The following DAB1 variants were observed in gnomAD, a reference collection of about 807,000 sequenced individuals.
DAB1 encodes DAB adaptor protein 1.
Under a neutral mutation model 64.6 loss-of-function variants are expected in DAB1, and 15 were observed. The ratio of observed to expected loss-of-function variants is 0.23; its 90% CI spans 0.16 to 0.36. The LOEUF (loss-of-function observed/expected upper bound fraction) is 0.36. Ranked by LOEUF, DAB1 falls within the 10% of genes least tolerant of loss-of-function variation. The pLI is 1.00. For missense variants in DAB1, 596 were observed against 706.7 expected (o/e 0.84, Z 1.78); for synonymous variants, 235 against 251.9 (o/e 0.93, Z 0.64).
chr1:57,019,173 C>T lies in DAB1; in HGVS notation c.896-3742G>A, dbSNP rs556905665. Among the ~76,000 whole-genome samples the T allele has an allele frequency of 4.6e-5, 7 of 152,322 alleles. No homozygotes were observed. The East Asian group carries it at 1.4e-3, about 29-fold the overall frequency. On this transcript the variant is annotated intron_variant, in intron 11 of 14. Coordinates refer to ENST00000371236, the MANE Select transcript of DAB1 (RefSeq NM_001365792.1). Reference sequence around the variant, plus strand: ...TGCTGGCAGGAACTCTTTATTCTCTCTCTCTTTCCACCCTGCCTAGCATGG... The same window carrying T: ...TGCTGGCAGGAACTCTTTATTCTCTTTCTCTTTCCACCCTGCCTAGCATGG...
intron 2 of DAB1, among the ~76,000 whole-genome samples, chr1:57,170,891 T>G (rs1332797803): frequency 6.6e-6 from 1 of 152,172 alleles, no homozygotes; most frequent in Non-Finnish European, 1.5e-5. Flanking sequence ...AAATCCAATC[T>G]CTGCTGGAAT....
At chr1:57,591,746 A>T (rs1645447818) in intron 7 of DAB1, among the ~76,000 whole-genome samples, 1 of 152,168 alleles carries the variant, frequency 6.6e-6, no homozygotes, top group Admixed American at 6.5e-5. Context: ...CAGTAAGCAG[A>T]ATTTATTATT....
rs551102077 is a variant in DAB1 at position 58,285,884 on chromosome 1, C to A, written n.309+57468G>T. Among the ~76,000 whole-genome samples, 7 of 152,252 alleles carry A rather than the reference C, an allele frequency of 4.6e-5. No homozygotes were observed. In the East Asian group the frequency reaches 1.4e-3, roughly 29 times the overall value. ...ACAATTGTAAGTAAAAAGAGCAAAG[C>A]TGGAGGCACCACACTACCTGACTTC... On this transcript the variant is annotated intron_variant and non_coding_transcript_variant, in intron 4 of 20. Coordinates refer to the DAB1 transcript ENST00000485760.
intron 7 of DAB1, among the ~76,000 whole-genome samples, chr1:57,603,380 T>C (rs758996484): frequency 2.0e-5 from 3 of 152,216 alleles, no homozygotes; most frequent in Non-Finnish European, 4.4e-5. Flanking sequence ...TATTTTCCTA[T>C]AGCCCGGAAG....
chr1:57,482,477 TAAAAAAAA>T (rs918167439), intron 7 of DAB1, among the ~76,000 whole-genome samples: 11 of 61,200 alleles, frequency 1.8e-4, no homozygotes, highest in African/African-American at 4.9e-4. Flanking sequence ...CTGAAAGTTG[TAAAAAAAA>T]AAAAAAAAAA....
intron 4 of DAB1, among the ~76,000 whole-genome samples, chr1:58,167,373 C>A (rs918074856): frequency 1.3e-5 from 2 of 152,128 alleles, no homozygotes; most frequent in Admixed American, 6.5e-5. Context: ...TAAAAATGCA[C>A]CAATCAGTGT....
At chr1:57,049,245 C>T (rs527280360) in intron 9 of DAB1, among the ~76,000 whole-genome samples, 3 of 151,454 alleles carry the variant, frequency 2.0e-5, no homozygotes, top group Non-Finnish European at 4.4e-5. Flanking sequence ...GTCAGGAGAT[C>T]GAGATCATCC....
chr1:58,112,671 T>A lies in DAB1; in HGVS notation n.387+37840A>T, dbSNP rs946314. On this transcript the variant is annotated intron_variant and non_coding_transcript_variant, in intron 5 of 20. Coordinates refer to the DAB1 transcript ENST00000485760. ...CTTCATGGAAACCATAGGTCCTAAT[T>A]CAGTGCTCAGCACATAGTAGGCACT... is the stretch of plus-strand genomic sequence containing the variant. 6.0e-3 allele frequency among the ~76,000 whole-genome samples: 919 copies of A among 152,346 alleles called. 12 individuals carry two copies. Among genetic ancestry groups the A allele is most frequent in the African/African-American group, 0.021 (876 of 41,584 alleles).
At chr1:57,016,840 AC>A (rs1646449301) in intron 11 of DAB1, among the ~76,000 whole-genome samples, 1 of 152,226 alleles carries the variant, frequency 6.6e-6, no homozygotes, top group Non-Finnish European at 1.5e-5. Context: ...CACGCCACGT[AC>A]ACTAGTAGGT....
At chr1:57,446,598 C>CAA (rs11418380) in intron 7 of DAB1, among the ~76,000 whole-genome samples, 3,740 of 132,612 alleles carry the variant, frequency 0.028, 131 homozygotes, top group African/African-American at 0.063. Context: ...AACTCCGTTG[C>CAA]AAAAAAAAAA....
At chr1:57,907,147 C>T (rs1644565389) in intron 5 of DAB1, among the ~76,000 whole-genome samples, 1 of 152,106 alleles carries the variant, frequency 6.6e-6, no homozygotes, top group African/African-American at 2.4e-5. Flanking sequence ...ATTCTGTGTC[C>T]AAATTATTGA....
At chr1:57,929,605 G>A (rs1644927083) in intron 5 of DAB1, among the ~76,000 whole-genome samples, 1 of 152,092 alleles carries the variant, frequency 6.6e-6, no homozygotes, top group South Asian at 2.1e-4. Flanking sequence ...TCTGAGTCTG[G>A]GTAATTTTAA....
At chr1:58,321,618 C>A (rs925767180) in intron 4 of DAB1, among the ~76,000 whole-genome samples, 40 of 152,400 alleles carry the variant, frequency 2.6e-4, no homozygotes, top group African/African-American at 7.0e-4. Flanking sequence ...TATCCCGTGC[C>A]TGGCTTGGTG....
chr1:57,469,909 T>C (rs1432281198), intron 7 of DAB1, among the ~76,000 whole-genome samples: 1 of 152,244 alleles, frequency 6.6e-6, no homozygotes, highest in Non-Finnish European at 1.5e-5. Context: ...TGAAGAAATG[T>C]GTTTAATTTT....
chr1:57,329,477 G>GT (rs1676461534), intron 1 of DAB1, among the ~76,000 whole-genome samples: 19 of 151,394 alleles, frequency 1.3e-4, no homozygotes, highest in Admixed American at 6.6e-4. Context: ...TTGCCTTTCC[G>GT]GTTTTTTTGC....
In DAB1 at chr1:57,386,365, G is replaced by A. The variant is rs941383012; in HGVS notation, c.-137+37565C>T. Among the ~76,000 whole-genome samples, 6 of 63,090 alleles carry A rather than the reference G, an allele frequency of 9.5e-5. No individual in the cohort carries two copies. In the Admixed American group the frequency reaches 1.1e-3, roughly 11 times the overall value. The allele number at this position is 63,090 out of a possible 152,430, so 41.4% of individuals were successfully genotyped here. A position where few individuals can be genotyped will look rare whatever the true frequency, so the allele number is the denominator to read the frequency against. ...ATCTCTGCCTCACTTAGGCCCCTTG[G>A]GAAAAAAAAAAAAAAAAAAAAACCC... On this transcript the variant is annotated intron_variant, in intron 1 of 14. Coordinates refer to ENST00000371236, the MANE Select transcript of DAB1 (RefSeq NM_001365792.1).
intron 2 of DAB1, among the ~76,000 whole-genome samples, chr1:57,228,352 T>C (rs1667424675): frequency 6.6e-6 from 1 of 152,092 alleles, no homozygotes; most frequent in Non-Finnish European, 1.5e-5. Flanking sequence ...CAAAAATATG[T>C]GTATATAGAA....
At chr1:58,428,291 A>T (rs1394336326) in intron 3 of DAB1, among the ~76,000 whole-genome samples, 2 of 152,238 alleles carry the variant, frequency 1.3e-5, no homozygotes, top group Non-Finnish European at 2.9e-5. Context: ...AAATACAAAA[A>T]CTGGCTCCAA....
At chr1:57,833,549 C>T (rs944780348) in intron 1 of DAB1, among the ~76,000 whole-genome samples, 2 of 151,970 alleles carry the variant, frequency 1.3e-5, no homozygotes, top group South Asian at 4.2e-4. Flanking sequence ...GTTGGGGAAC[C>T]GAAAGATTAA....
Sources: gnomAD v4.1 joint callset for allele counts (sites outside exome capture counted in the v4.1 genomes callset) on GRCh38, gnomAD v4.1.1 for gene constraint, MANE v1.5 for transcripts, NCBI Gene and HGNC (gene_info 2026-07-23, HGNC 2026-07-21) for gene names.